Variants in DDHD2 observed in about 807,000 individuals in gnomAD.
The protein encoded by DDHD2 is triacylglycerol hydrolase DDHD2.
DDHD2 carries 62 observed loss-of-function variants against 91.2 expected under a neutral mutation model. The ratio of observed to expected loss-of-function variants is 0.68; its 90% confidence interval spans 0.55 to 0.84. DDHD2 has a LOEUF of 0.84. Ranked by LOEUF, DDHD2 falls within the 40% of genes least tolerant of loss-of-function variation. The pLI, the probability that DDHD2 is intolerant of heterozygous loss-of-function variation, is 0.00. For synonymous variants in DDHD2, 271 were observed against 293.9 expected (o/e 0.92, Z 0.80); for missense variants, 740 against 846.9 (o/e 0.87, Z 1.57).
chr8:38,267,744 G>T (rs1308455033), downstream of DDHD2: 1 of 798,508 alleles, frequency 1.3e-6, no homozygotes, highest in Non-Finnish European at 2.0e-6. Flanking sequence ...TGAGGTATGG[G>T]GAAGGGAGTA....
At chr8:38,249,593 G>T in intron 10 of DDHD2, 115 bp from the exon 11 acceptor site, 1 of 484,630 alleles carries the variant, frequency 2.1e-6, no homozygotes. Flanking sequence ...ATTCTATGAT[G>T]TTTTACTACT....
Position 38,231,744 on chromosome 8 carries a change from C to G in DDHD2, c.-124C>G, listed in dbSNP as rs1428951361. On this transcript the variant is annotated 5_prime_UTR_variant, in exon 1 of 18. Transcript: ENST00000397166. Reference sequence around the variant, plus strand: ...GTTCGGCGCGAGCCCGGCGGGGCTGCAGGTTCCGCCCTGCTCCGCCGCGCC... The same window carrying G: ...GTTCGGCGCGAGCCCGGCGGGGCTGGAGGTTCCGCCCTGCTCCGCCGCGCC... 1 of 152,138 alleles carries G rather than the reference C, an allele frequency of 6.6e-6. No homozygotes were observed. The highest frequency in any genetic ancestry group is 6.5e-5 in the Admixed American group (1 of 15,270). The allele number at this position is 152,138 out of a possible 1,614,324, so 9.4% of individuals were successfully genotyped here.
chr8:38,248,159 A>G (rs1188204638), intron 10 of DDHD2, among the ~76,000 whole-genome samples: 6 of 152,058 alleles, frequency 3.9e-5, no homozygotes, highest in Non-Finnish European at 8.8e-5. Flanking sequence ...CAAGAGCTCT[A>G]CTGTTATTTG....
chr8:38,256,551 G>A lies in DDHD2; in HGVS notation c.2054+2833G>A, dbSNP rs114595992. ...TTGCCCCTGCTGGTGTCAAACTCCC[G>A]GCCTCAAGCAGTCCTCTTGCTTTGG... is the stretch of plus-strand genomic sequence containing the variant. On this transcript the variant is annotated intron_variant, in intron 16 of 17. Transcript: ENST00000397166. Among the ~76,000 whole-genome samples the A allele has an allele frequency of 2.3e-3, 350 of 152,134 alleles. 1 individual carries two copies. The highest frequency in any genetic ancestry group is 8.1e-3 in the African/African-American group (335 of 41,494).
downstream of DDHD2, chr8:38,266,088 G>T: frequency 6.4e-7 from 1 of 1,557,158 alleles, no homozygotes; most frequent in Non-Finnish European, 8.8e-7. Flanking sequence ...CTAGGTGCTA[G>T]GAATAAAATG....
downstream of DDHD2, chr8:38,263,595 CTGGACTCAGA>C: frequency 1.0e-6 from 1 of 985,334 alleles, no homozygotes. Context: ...TACCAGATGG[CTGGACTCAGA>C]TAAGATGCAC....
downstream of DDHD2, chr8:38,263,997 G>C: frequency 1.0e-6 from 1 of 986,032 alleles, no homozygotes; most frequent in Non-Finnish European, 1.2e-6. Flanking sequence ...TAGATGAGCA[G>C]GGGCAAAAGT....
chr8:38,246,198 C>A, intron 8 of DDHD2, 35 bp from the exon 9 acceptor site: 1 of 1,485,226 alleles, frequency 6.7e-7, no homozygotes, highest in East Asian at 2.3e-5. Flanking sequence ...AGTGCTAATG[C>A]TTAGAAATTG....
intron 1 of DDHD2, chr8:38,268,368 C>G (rs1427358879): frequency 1.3e-6 from 2 of 1,564,002 alleles, no homozygotes; most frequent in Admixed American, 3.8e-5. Context: ...GGCTAGCGCT[C>G]ACCCAGGCAG....
At chr8:38,244,145 A>C (rs1805449393) in intron 7 of DDHD2, among the ~76,000 whole-genome samples, 1 of 151,626 alleles carries the variant, frequency 6.6e-6, no homozygotes, top group South Asian at 2.1e-4. Flanking sequence ...ATGGGCTTTT[A>C]CCATGTTGGC....
At position 38,253,134 on chromosome 8, in the gene DDHD2, G is replaced by T; in HGVS notation, c.1891+7G>T. ...ACTTCAGAGAAGCCTAGTGGTCAGTGACACTGTACACATTGACCAGCTGCC... is the reference window on the plus strand; with the variant it reads ...ACTTCAGAGAAGCCTAGTGGTCAGTTACACTGTACACATTGACCAGCTGCC... On this transcript the variant is annotated splice_region_variant and intron_variant, in intron 15 of 17. Coordinates refer to ENST00000397166, the MANE Select transcript of DDHD2 (RefSeq NM_015214.3). 1 of 1,611,054 alleles carries T rather than the reference G, an allele frequency of 6.2e-7. No homozygotes were observed. Among genetic ancestry groups the T allele is most frequent in the South Asian group, 1.1e-5 (1 of 90,524 alleles).
intron 7 of DDHD2, 128 bp downstream of exon 7, chr8:38,242,513 T>C (rs1279849909): frequency 7.2e-6 from 7 of 978,532 alleles, no homozygotes; most frequent in African/African-American, 1.7e-5. Context: ...TGCTATTAAA[T>C]GCTGATCAGT....
At chr8:38,264,076 A>G (rs1807240907), downstream of DDHD2, 3 of 990,432 alleles carry the variant, frequency 3.0e-6, no homozygotes, top group East Asian at 2.2e-4. Context: ...GGGGAAAAAA[A>G]GGCTAGAATT....
chr8:38,256,097 A>G (rs1290060002), intron 16 of DDHD2, among the ~76,000 whole-genome samples: 1 of 152,140 alleles, frequency 6.6e-6, no homozygotes, highest in Non-Finnish European at 1.5e-5. Context: ...ACACCTGTGA[A>G]GCCATCACTA....
At chr8:38,250,395 C>G (rs912833531) in intron 11 of DDHD2, 1 of 151,988 alleles carries the variant, frequency 6.6e-6, no homozygotes, top group Non-Finnish European at 1.5e-5. Context: ...TCTTGAGTAG[C>G]TGGGATTCCA....
At chr8:38,247,631 CTA>C in intron 9 of DDHD2, 80 bp from the exon 10 acceptor site, 2 of 841,264 alleles carry the variant, frequency 2.4e-6, no homozygotes, top group Non-Finnish European at 3.4e-6. Flanking sequence ...CTGTGGAAAT[CTA>C]TGTATTTCTT....
rs1474832262 is a variant in DDHD2, at chr8:38,262,192, C to CT, written c.*1620dup. ...TTATTTTTTTAAAGGTATATAAACT[C>CT]TGAGTTATTGAGAATTAAGTATTCA... On this transcript the variant is annotated 3_prime_UTR_variant, in exon 18 of 18. Transcript: ENST00000397166. 6.6e-6 allele frequency: 1 copy of CT among 152,060 alleles called. No individual in the cohort carries two copies. The highest frequency in any genetic ancestry group is 1.5e-5 in the Non-Finnish European group (1 of 68,012). The allele number at this position is 152,060 out of a possible 1,614,324, so 9.4% of individuals were successfully genotyped here. A position where few individuals can be genotyped will look rare whatever the true frequency, so the allele number is the denominator to read the frequency against.
intron 14 of DDHD2, 30 bp downstream of exon 14, chr8:38,252,854 T>G (rs746741438): frequency 6.2e-7 from 1 of 1,611,032 alleles, no homozygotes; most frequent in Non-Finnish European, 8.5e-7. Context: ...TTGATAATTC[T>G]AGACCTTTTG....
At chr8:38,245,262 T>C (rs537489989) in intron 7 of DDHD2, among the ~76,000 whole-genome samples, 18 of 151,964 alleles carry the variant, frequency 1.2e-4, no homozygotes, top group Middle Eastern at 3.4e-3. Context: ...CAAAACCCTG[T>C]CACTACTAAA....
Sources: allele counts gnomAD v4.1 joint callset (sites outside exome capture counted in the v4.1 genomes callset), GRCh38; gene constraint gnomAD v4.1.1; transcripts MANE v1.5; gene names NCBI Gene and HGNC (gene_info 2026-07-23, HGNC 2026-07-21).